The following MRC2 variants were observed in gnomAD, a reference collection of about 807,000 sequenced individuals.
MRC2 encodes mannose receptor C-type 2, also known as C-type mannose receptor 2.
In MRC2, 84 loss-of-function variants were observed where a neutral mutation model predicts 206.2. The ratio of observed to expected loss-of-function variants is 0.41; its 90% confidence interval spans 0.34 to 0.49. The LOEUF (loss-of-function observed/expected upper bound fraction) is 0.49, where lower values mean the gene tolerates loss of function less well. Ranked by LOEUF, MRC2 falls within the 20% of genes least tolerant of loss-of-function variation. The pLI, the probability that MRC2 is intolerant of heterozygous loss-of-function variation, is 0.31. For missense variants in MRC2, 1,676 were observed against 2,001.5 expected, an observed-to-expected ratio of 0.84 and a Z score of 3.10; for synonymous variants, 798 against 800.0, an observed-to-expected ratio of 1.00 and a Z score of 0.04.
chr17:62,637,348 C>G (rs1409169451), intron 1 of MRC2, among the ~76,000 whole-genome samples: 1 of 151,988 alleles, frequency 6.6e-6, no homozygotes, highest in Non-Finnish European at 1.5e-5. Context: ...CTAGTCTGGC[C>G]AACATGGTGA....
rs761939263 is a variant in MRC2 at position 62,637,052 on chromosome 17, C to T, written c.118+9132C>T. Among the ~76,000 whole-genome samples the T allele has an allele frequency of 9.2e-5, 14 of 152,238 alleles. 1 individual carries two copies. Among genetic ancestry groups the T allele is most frequent in the Middle Eastern group, 6.8e-3 (2 of 294 alleles). On this transcript the variant is annotated intron_variant, in intron 1 of 29. Coordinates refer to ENST00000303375, the MANE Select transcript of MRC2 (RefSeq NM_006039.5). ...AGCGCTGCTAAGGGGAAGCTTGAATCGATGTAAACTTTCTGAATTTAGAAT... is the reference window on the plus strand; with the variant it reads ...AGCGCTGCTAAGGGGAAGCTTGAATTGATGTAAACTTTCTGAATTTAGAAT...
chr17:62,658,024 C>T (rs1415071808), intron 1 of MRC2, among the ~76,000 whole-genome samples: 1 of 152,124 alleles, frequency 6.6e-6, no homozygotes, highest in African/African-American at 2.4e-5. Context: ...TTTGATTCCT[C>T]AGCCTTTTCT....
chr17:62,655,542 AAAAC>A lies in MRC2; in HGVS notation c.119-8987_119-8984del, dbSNP rs571340901. Among the ~76,000 whole-genome samples, 961 of 151,002 alleles carry A rather than the reference AAAAC, an allele frequency of 6.4e-3. 3 individuals carry two copies. Among genetic ancestry groups the A allele is most frequent in the Non-Finnish European group, 9.5e-3 (641 of 67,638 alleles). ...GGGCAACAGAGCGAGACTCCATCTCAAAACAAACAAACAAACAAACAACAATTAG... is the reference window on the plus strand; with the variant it reads ...GGGCAACAGAGCGAGACTCCATCTCAAAACAAACAAACAAACAACAATTAG... On this transcript the variant is annotated intron_variant, in intron 1 of 29. Coordinates refer to ENST00000303375, the MANE Select transcript of MRC2 (RefSeq NM_006039.5).
At position 62,675,994 on chromosome 17, in the gene MRC2, A is replaced by G. The variant is rs572880047; in HGVS notation, c.1685+89A>G. ...AGCAAACAGGGTAGCATCTGCCATC[A>G]TGCCCAGAGGGACCTGGAGTCCTGT... is the stretch of plus-strand genomic sequence containing the variant. On this transcript the variant is annotated intron_variant, in intron 10 of 29. Transcript: ENST00000303375. This position sits in a 1 kb window ranked among gnomAD's most constrained non-coding sequence, Gnocchi z 4.1. 3 of 1,103,446 alleles carry G rather than the reference A, an allele frequency of 2.7e-6. No individual in the cohort carries two copies. The highest frequency in any genetic ancestry group is 3.1e-5 in the African/African-American group (2 of 64,988). 68.4% of individuals were successfully genotyped at this position (1,103,446 alleles called of 1,614,324 possible). A position where few individuals can be genotyped will look rare whatever the true frequency, so the allele number is the denominator to read the frequency against.
At position 62,667,444 on chromosome 17, in the gene MRC2, C is replaced by G; in HGVS notation, c.1028C>G (p.Ser343Trp). The G allele has an allele frequency of 6.2e-7, 1 of 1,612,464 alleles. No homozygotes were observed. The change falls in exon 6 of 30, where the codon TCG (serine) becomes TGG (tryptophan). Residue 343 changes from serine to tryptophan, a missense_variant. Ser to Trp is a radical substitution (Grantham distance 177). Transcript: ENST00000303375. This position sits in a 1 kb window ranked among gnomAD's most constrained non-coding sequence, Gnocchi z 4.1. ...ENCGVIRTESSGGWQNRDCSI... is the reference protein window; with the variant it reads ...ENCGVIRTESWGGWQNRDCSI... Reference sequence around the variant, plus strand: ...TGTGGAGTGATCCGCACTGAGTCCTCGGGCGGCTGGCAGAACCGTGACTGC... The same window carrying G: ...TGTGGAGTGATCCGCACTGAGTCCTGGGGCGGCTGGCAGAACCGTGACTGC...
In MRC2 at chr17:62,688,772, T is replaced by C. The variant is rs530780994; in HGVS notation, c.3226-80T>C. 1.0e-4 allele frequency: 165 copies of C among 1,586,880 alleles called. 4 individuals carry two copies. The East Asian group carries it at 3.7e-3, about 36-fold the overall frequency. On this transcript the variant is annotated intron_variant, in intron 22 of 29. Transcript: ENST00000303375. ...AGGGTCTCCCTTCTTCCAGCCTCTT[T>C]GCTCACATTGCAGCCTTCTGGGGAC... is the stretch of plus-strand genomic sequence containing the variant.
chr17:62,639,269 A>G (rs1264349929), intron 1 of MRC2, among the ~76,000 whole-genome samples: 1 of 151,278 alleles, frequency 6.6e-6, no homozygotes, highest in Non-Finnish European at 1.5e-5. Context: ...ACTTGAACCC[A>G]GGAGGCAGAG....
chr17:62,683,532 T>A (rs1598995341), intron 20 of MRC2, among the ~76,000 whole-genome samples: 1 of 143,594 alleles, frequency 7.0e-6, no homozygotes, highest in African/African-American at 2.7e-5. Flanking sequence ...TTTTTTTTTT[T>A]ACTAGTGGTA....
chr17:62,643,457 C>T (rs1269473347), intron 1 of MRC2, among the ~76,000 whole-genome samples: 1 of 151,820 alleles, frequency 6.6e-6, no homozygotes, highest in Non-Finnish European at 1.5e-5. Context: ...ACTCAGCAAC[C>T]AGGGAGGGTT....
chr17:62,676,250 C>A, intron 10 of MRC2, 133 bp from the exon 11 acceptor site: 1 of 1,124,100 alleles, frequency 8.9e-7, no homozygotes. Context: ...GCAGGGCTCC[C>A]AGGCGTCCCT....
At chr17:62,681,638 T>C in intron 18 of MRC2, 199 bp from the exon 19 acceptor site, 1 of 558,258 alleles carries the variant, frequency 1.8e-6, no homozygotes, top group Non-Finnish European at 3.1e-6. Context: ...CAGGGACAGC[T>C]GGGGCCTTAT....
intron 8 of MRC2, among the ~76,000 whole-genome samples, chr17:62,673,572 G>A (rs1178153227): frequency 1.4e-5 from 2 of 143,532 alleles, no homozygotes; most frequent in East Asian, 4.0e-4. Context: ...GCAATGGCAC[G>A]ATCTTGGCTC....
At chr17:62,665,725 G>A (rs774287555) in intron 2 of MRC2, among the ~76,000 whole-genome samples, 7 of 152,120 alleles carry the variant, frequency 4.6e-5, no homozygotes, top group African/African-American at 7.2e-5. Flanking sequence ...CCTGAGTTCC[G>A]AGATAGAACT....
chr17:62,628,575 G>A (rs1487863510), intron 1 of MRC2, among the ~76,000 whole-genome samples: 1 of 152,230 alleles, frequency 6.6e-6, no homozygotes, highest in African/African-American at 2.4e-5. Flanking sequence ...CTGTGATGTT[G>A]CGTAGCGTGG....
At chr17:62,681,493 C>T (rs1259211684) in intron 18 of MRC2, 3 of 461,606 alleles carry the variant, frequency 6.5e-6, no homozygotes, top group African/African-American at 6.0e-5. Flanking sequence ...TATTTGGTGC[C>T]TACTTACCAT....
chr17:62,628,034 T>C, intron 1 of MRC2, 114 bp downstream of exon 1: 1 of 647,486 alleles, frequency 1.5e-6, no homozygotes, highest in Non-Finnish European at 2.3e-6. Flanking sequence ...GAAGCGTGTG[T>C]GCGTGTGTGT....
chr17:62,691,991 G>A (rs1599001183), intron 28 of MRC2, 121 bp from the exon 29 acceptor site: 5 of 1,299,206 alleles, frequency 3.8e-6, no homozygotes, highest in Admixed American at 1.9e-5. Context: ...ATGGGAGGGG[G>A]AACTAGAGCC....
rs531834768 is a variant in MRC2 at position 62,677,273 on chromosome 17, C to T, written c.1839C>T (p.Tyr613=). 17 of 1,595,728 alleles carry T rather than the reference C, an allele frequency of 1.1e-5. No homozygotes were observed. Among genetic ancestry groups the T allele is most frequent in the Admixed American group, 8.7e-5 (5 of 57,716 alleles). The part of the protein sequence containing the change: ...YTHWNRDQPG[Y]SRGGCVALAT... The stretch of plus-strand genomic sequence containing the variant: ...TCTCCCTTCCCTCTCCTTCAGGGTA[C>T]AGCCGTGGGGGCTGCGTGGCGCTGG... The change falls in exon 12 of 30, where the codon TAC becomes TAT. Residue 613 remains tyrosine (Y), a synonymous_variant. Coordinates refer to ENST00000303375, the MANE Select transcript of MRC2 (RefSeq NM_006039.5).
intron 1 of MRC2, among the ~76,000 whole-genome samples, chr17:62,638,715 G>C (rs2088358547): frequency 6.7e-6 from 1 of 148,886 alleles, no homozygotes; most frequent in Non-Finnish European, 1.5e-5. Flanking sequence ...TCCAGCCTGG[G>C]TGACAGAGTG....
Sources: allele counts gnomAD v4.1 joint callset (sites outside exome capture counted in the v4.1 genomes callset), GRCh38; gene constraint gnomAD v4.1.1; non-coding constraint Gnocchi (gnomAD v3.1); transcripts MANE v1.5; gene names NCBI Gene and HGNC (gene_info 2026-07-23, HGNC 2026-07-21).